Variants in DLG2 observed in about 807,000 individuals in gnomAD.
DLG2 encodes disks large homolog 2.
In DLG2, 45 loss-of-function variants were observed where a neutral mutation model predicts 132.5. The observed-to-expected ratio is 0.34, with a 90% CI of 0.27 to 0.44. The LOEUF is 0.44. DLG2 is among the 20% of genes least tolerant of loss of function. The probability of loss-of-function intolerance (pLI) is 1.00; values close to 1 mark genes in which losing one functional copy is unlikely to be tolerated. For synonymous variants in DLG2, 424 were observed against 419.6 expected (o/e 1.01, Z -0.13); for missense variants, 1,045 against 1,196.9 (o/e 0.87, Z 1.87).
At chr11:84,596,138 C>A (rs896806967) in intron 6 of DLG2, among the ~76,000 whole-genome samples, 4 of 152,106 alleles carry the variant, frequency 2.6e-5, no homozygotes, top group Non-Finnish European at 5.9e-5. Context: ...CTCTCATCAG[C>A]TGAAAGAATT....
intron 7 of DLG2, among the ~76,000 whole-genome samples, chr11:84,345,375 T>A (rs184919589): frequency 1.3e-5 from 2 of 152,344 alleles, no homozygotes; most frequent in African/African-American, 4.8e-5. Context: ...ACAAAGCATA[T>A]TCAAGGCTGA....
At chr11:84,003,703 G>A (rs2154051408) in intron 11 of DLG2, among the ~76,000 whole-genome samples, 1 of 152,212 alleles carries the variant, frequency 6.6e-6, no homozygotes. Context: ...GACAGATGGG[G>A]ATTATGGGTA....
chr11:83,499,514 C>T (rs1032435959), intron 21 of DLG2, among the ~76,000 whole-genome samples: 2 of 151,696 alleles, frequency 1.3e-5, no homozygotes, highest in African/African-American at 2.4e-5. Flanking sequence ...ATAATCTGTA[C>T]GAATTGACAT....
intron 8 of DLG2, among the ~76,000 whole-genome samples, chr11:84,236,986 T>C (rs1840249): frequency 0.91 from 136,620 of 149,972 alleles, 62,317 homozygotes; most frequent in East Asian, 1. Context: ...TAGTGTGCAG[T>C]GGCATCATCT....
At position 83,848,617 on chromosome 11, in the gene DLG2, G is replaced by A. The variant is rs896477084; in HGVS notation, c.1566-14847C>T. Among the ~76,000 whole-genome samples, 15 of 152,152 alleles carry A rather than the reference G, an allele frequency of 9.9e-5. 1 individual carries two copies. Among genetic ancestry groups the A allele is most frequent in the African/African-American group, 3.4e-4 (14 of 41,516 alleles). On this transcript the variant is annotated intron_variant, in intron 16 of 27. Coordinates refer to ENST00000376104, the MANE Select transcript of DLG2 (RefSeq NM_001142699.3). ...TCTTTAATTCAGAAATGCCTCTCAC[G>A]TCATCTTAGTATTGTTGCCTTAGTT...
intron 6 of DLG2, among the ~76,000 whole-genome samples, chr11:85,072,053 T>A (rs2065930934): frequency 6.6e-6 from 1 of 151,848 alleles, no homozygotes; most frequent in African/African-American, 2.4e-5. Flanking sequence ...TGTGAGCATT[T>A]GTAGATTGCA....
chr11:84,034,055 C>T (rs1322354891), intron 11 of DLG2, among the ~76,000 whole-genome samples: 2 of 151,548 alleles, frequency 1.3e-5, no homozygotes, highest in Non-Finnish European at 2.9e-5. Flanking sequence ...CACTCCAGCC[C>T]GGGCAACAAG....
chr11:83,497,934 T>C (rs1419946926), intron 21 of DLG2, among the ~76,000 whole-genome samples: 1 of 151,872 alleles, frequency 6.6e-6, no homozygotes, highest in Non-Finnish European at 1.5e-5. Flanking sequence ...CAACAACAAC[T>C]TTTTTCCATT....
At chr11:85,206,818 A>G (rs1484784562) in intron 4 of DLG2, among the ~76,000 whole-genome samples, 3 of 152,098 alleles carry the variant, frequency 2.0e-5, no homozygotes, top group Non-Finnish European at 4.4e-5. Flanking sequence ...GGGTGACAAG[A>G]GCAAAATTCC....
At chr11:85,125,713 A>G (rs2075012484) in intron 5 of DLG2, among the ~76,000 whole-genome samples, 1 of 152,058 alleles carries the variant, frequency 6.6e-6, no homozygotes, top group African/African-American at 2.4e-5. Flanking sequence ...CTGTGAATGC[A>G]CCTCATCTTT....
chr11:83,990,980 T>TA (rs1273908373), intron 11 of DLG2, among the ~76,000 whole-genome samples: 1 of 152,080 alleles, frequency 6.6e-6, no homozygotes, highest in African/African-American at 2.4e-5. Context: ...AAGTTTCAGC[T>TA]AAAAAACAAC....
intron 9 of DLG2, among the ~76,000 whole-genome samples, chr11:84,141,770 C>A (rs903318729): frequency 4.6e-5 from 7 of 151,894 alleles, no homozygotes; most frequent in Non-Finnish European, 8.8e-5. Flanking sequence ...TTTATTGAGC[C>A]ATATTTTAGT....
intron 7 of DLG2, among the ~76,000 whole-genome samples, chr11:84,369,634 A>G (rs1217709141): frequency 6.6e-6 from 1 of 152,136 alleles, no homozygotes; most frequent in Non-Finnish European, 1.5e-5. Context: ...TTGGCTCTCT[A>G]TTCAATAAAA....
chr11:83,945,547 T>C (rs114151042), intron 14 of DLG2, among the ~76,000 whole-genome samples: 4,271 of 152,340 alleles, frequency 0.028, 161 homozygotes, highest in African/African-American at 0.087. Flanking sequence ...ATAGAGCCTA[T>C]TATTATATAT....
intron 6 of DLG2, among the ~76,000 whole-genome samples, chr11:84,741,568 T>A (rs2064680337): frequency 6.6e-6 from 1 of 151,784 alleles, no homozygotes; most frequent in African/African-American, 2.4e-5. Context: ...CTAGTGTGAA[T>A]TACAGCTGAA....
chr11:85,314,962 T>C (rs1158539639), intron 3 of DLG2, among the ~76,000 whole-genome samples: 2 of 152,006 alleles, frequency 1.3e-5, no homozygotes, highest in African/African-American at 4.8e-5. Context: ...TCACAGGCTC[T>C]GTGTCATTTC....
intron 3 of DLG2, among the ~76,000 whole-genome samples, chr11:85,435,912 T>C (rs1321841208): frequency 6.6e-6 from 1 of 152,038 alleles, no homozygotes; most frequent in Non-Finnish European, 1.5e-5. Context: ...CTTCAAACTA[T>C]ACTACAAGGC....
chr11:83,753,834 TGA>T (rs1491557203), intron 18 of DLG2, among the ~76,000 whole-genome samples: 607 of 13,366 alleles, frequency 0.045, 59 homozygotes, highest in African/African-American at 0.21. Context: ...CATATATATA[TGA>T]TATATATCAT....
intron 6 of DLG2, among the ~76,000 whole-genome samples, chr11:84,606,308 G>A (rs2099585543): frequency 6.6e-6 from 1 of 152,032 alleles, no homozygotes; most frequent in African/African-American, 2.4e-5. Context: ...ATGCGTACAT[G>A]ATAACAATTT....
Sources: gnomAD v4.1 joint callset for allele counts (sites outside exome capture counted in the v4.1 genomes callset) on GRCh38, gnomAD v4.1.1 for gene constraint, MANE v1.5 for transcripts, NCBI Gene and HGNC (gene_info 2026-07-23, HGNC 2026-07-21) for gene names.